Variants in TCF7L1 observed in about 807,000 individuals in gnomAD.
TCF7L1 encodes transcription factor 7 like 1.
Under a neutral mutation model 63.7 loss-of-function variants are expected in TCF7L1, and 18 were observed. The ratio of observed to expected loss-of-function variants is 0.28; its 90% CI spans 0.20 to 0.42. The LOEUF (loss-of-function observed/expected upper bound fraction) is 0.42. Ranked by LOEUF, TCF7L1 falls within the 10% of genes least tolerant of loss-of-function variation. The pLI, the probability that TCF7L1 is intolerant of heterozygous loss-of-function variation, is 1.00. For synonymous variants in TCF7L1, 355 were observed against 340.9 expected, an observed-to-expected ratio of 1.04 and a Z score of -0.46; for missense variants, 654 against 779.3, an observed-to-expected ratio of 0.84 and a Z score of 1.91.
chr2:85,168,725 G>T (rs1412039114), intron 3 of TCF7L1, among the ~76,000 whole-genome samples: 1 of 152,062 alleles, frequency 6.6e-6, no homozygotes, highest in Non-Finnish European at 1.5e-5. Context: ...GGAATCAAGT[G>T]ATTCTCATGC....
chr2:85,149,425 A>G (rs895948613), intron 3 of TCF7L1, among the ~76,000 whole-genome samples: 16 of 152,142 alleles, frequency 1.1e-4, no homozygotes, highest in Admixed American at 2.0e-4. Flanking sequence ...ATAAATATAA[A>G]TTACATTTTA....
chr2:85,289,549 A>G (rs1271784577), intron 4 of TCF7L1, among the ~76,000 whole-genome samples: 3 of 152,228 alleles, frequency 2.0e-5, no homozygotes, highest in African/African-American at 7.2e-5. Flanking sequence ...AGGAAGGTGT[A>G]GAGAAAAATC....
chr2:85,270,682 T>C (rs1248174791), intron 3 of TCF7L1, among the ~76,000 whole-genome samples: 1 of 151,974 alleles, frequency 6.6e-6, no homozygotes, highest in Non-Finnish European at 1.5e-5. Context: ...CCGAGATCAG[T>C]TGGAAGTTTC....
At chr2:85,196,596 T>C (rs1348659706) in intron 3 of TCF7L1, among the ~76,000 whole-genome samples, 1 of 151,934 alleles carries the variant, frequency 6.6e-6, no homozygotes, top group Non-Finnish European at 1.5e-5. Flanking sequence ...TATTAAACGT[T>C]TGACCCCAAG....
intron 3 of TCF7L1, among the ~76,000 whole-genome samples, chr2:85,199,366 A>G (rs1679225188): frequency 6.6e-6 from 1 of 152,222 alleles, no homozygotes; most frequent in Non-Finnish European, 1.5e-5. Flanking sequence ...ACTGAGTTCT[A>G]ACAGCCAGAA....
chr2:85,159,965 C>T (rs1316860266), intron 3 of TCF7L1, among the ~76,000 whole-genome samples: 1 of 152,222 alleles, frequency 6.6e-6, no homozygotes, highest in Non-Finnish European at 1.5e-5. Context: ...GTTTCACAGG[C>T]ACCTGGGACA....
At chr2:85,256,806 G>A (rs904810218) in intron 3 of TCF7L1, among the ~76,000 whole-genome samples, 1 of 151,962 alleles carries the variant, frequency 6.6e-6, no homozygotes, top group Non-Finnish European at 1.5e-5. Flanking sequence ...CCAACATGGC[G>A]AAACCATCTC....
At chr2:85,304,164 T>C in intron 6 of TCF7L1, 91 bp from the exon 7 acceptor site, 1 of 1,393,478 alleles carries the variant, frequency 7.2e-7, no homozygotes, top group Non-Finnish European at 1.0e-6. Flanking sequence ...CCCGCTTCCT[T>C]CCCATATTTC....
chr2:85,156,028 A>G (rs1332492502), intron 3 of TCF7L1, among the ~76,000 whole-genome samples: 1 of 152,118 alleles, frequency 6.6e-6, no homozygotes, highest in Non-Finnish European at 1.5e-5. Flanking sequence ...ATAATGAGGT[A>G]AAAAAAGGAG....
At chr2:85,201,737 C>T (rs10192927) in intron 3 of TCF7L1, among the ~76,000 whole-genome samples, 22,975 of 152,000 alleles carry the variant, frequency 0.15, 1,935 homozygotes, top group Admixed American at 0.2. Flanking sequence ...ATGAGGGTTC[C>T]GGTTTCTCTA....
chr2:85,142,497 T>C (rs578099999), intron 3 of TCF7L1, among the ~76,000 whole-genome samples: 1,584 of 147,734 alleles, frequency 0.011, 15 homozygotes, highest in Non-Finnish European at 0.016. Context: ...TATATATATA[T>C]ACACACACAC....
chr2:85,148,517 A>G (rs1257257663), intron 3 of TCF7L1, among the ~76,000 whole-genome samples: 9 of 152,228 alleles, frequency 5.9e-5, no homozygotes, highest in Admixed American at 5.9e-4. Flanking sequence ...AATGATAGTC[A>G]TAATGATAAA....
intron 3 of TCF7L1, among the ~76,000 whole-genome samples, chr2:85,253,113 C>T (rs927517674): frequency 6.6e-6 from 1 of 152,070 alleles, no homozygotes; most frequent in Admixed American, 6.5e-5. Context: ...AACAACAGAC[C>T]GTGAGCCAGT....
At chr2:85,197,274 G>A (rs1387349395) in intron 3 of TCF7L1, among the ~76,000 whole-genome samples, 3 of 152,304 alleles carry the variant, frequency 2.0e-5, no homozygotes, top group South Asian at 2.1e-4. Context: ...AGCCAGGTGC[G>A]GTGGCAAACG....
chr2:85,282,018 C>T (rs1330541341), intron 3 of TCF7L1, among the ~76,000 whole-genome samples: 1 of 152,016 alleles, frequency 6.6e-6, no homozygotes, highest in African/African-American at 2.4e-5. Context: ...GATAAAGTCT[C>T]ACTCTGTCGT....
intron 3 of TCF7L1, among the ~76,000 whole-genome samples, chr2:85,154,284 C>T (rs1678089744): frequency 6.6e-6 from 1 of 152,208 alleles, no homozygotes; most frequent in Non-Finnish European, 1.5e-5. Context: ...TGATAGTTTT[C>T]CAGTTATATG....
At chr2:85,155,885 G>GC in intron 3 of TCF7L1, among the ~76,000 whole-genome samples, 1 of 152,272 alleles carries the variant, frequency 6.6e-6, no homozygotes, top group Non-Finnish European at 1.5e-5. Flanking sequence ...GAAATCAGAT[G>GC]CCCCTTTGTA....
chr2:85,180,640 A>G (rs1273859037), intron 3 of TCF7L1, among the ~76,000 whole-genome samples: 1 of 152,196 alleles, frequency 6.6e-6, no homozygotes, highest in Non-Finnish European at 1.5e-5. Flanking sequence ...TTCAGAGGCT[A>G]GTGACTTCCT....
At chr2:85,161,793 A>G (rs1409065643) in intron 3 of TCF7L1, among the ~76,000 whole-genome samples, 1 of 152,148 alleles carries the variant, frequency 6.6e-6, no homozygotes, top group Non-Finnish European at 1.5e-5. Context: ...TGGTGCCAGG[A>G]TGCTGGCCTG....
Sources: gnomAD v4.1 joint callset for allele counts (sites outside exome capture counted in the v4.1 genomes callset) on GRCh38, gnomAD v4.1.1 for gene constraint, MANE v1.5 for transcripts, NCBI Gene and HGNC (gene_info 2026-07-23, HGNC 2026-07-21) for gene names.